PIBF1: variants seen among roughly 807,000 people sequenced by gnomAD.
PIBF1 encodes the protein progesterone immunomodulatory binding factor 1, also known as progesterone-induced-blocking factor 1.
Under a neutral mutation model 112.5 loss-of-function variants are expected in PIBF1, and 90 were observed. The ratio of observed to expected loss-of-function variants is 0.80; its 90% CI spans 0.67 to 0.95. The LOEUF (loss-of-function observed/expected upper bound fraction) is 0.95. Among genes scored for constraint, PIBF1 ranks in the 40% least tolerant of loss-of-function variants. PIBF1 has a pLI of 0.00. For synonymous variants in PIBF1, 301 were observed against 288.6 expected (o/e 1.04, Z -0.44); for missense variants, 915 against 852.3 (o/e 1.07, Z -0.92).
At chr13:72,923,270 A>T (rs146173375) in intron 13 of PIBF1, among the ~76,000 whole-genome samples, 36 of 152,318 alleles carry the variant, frequency 2.4e-4, no homozygotes, top group Non-Finnish European at 5.1e-4. Context: ...AAATGTTAGG[A>T]AATTGTATGT....
chr13:72,818,545 A>G (rs1036896471), intron 5 of PIBF1, among the ~76,000 whole-genome samples: 9 of 151,902 alleles, frequency 5.9e-5, no homozygotes, highest in Admixed American at 5.3e-4. Flanking sequence ...CTTATTTCCT[A>G]TATTTTTTAT....
chr13:72,964,562 CAA>C (rs2042690146), intron 14 of PIBF1, among the ~76,000 whole-genome samples: 1 of 151,806 alleles, frequency 6.6e-6, no homozygotes, highest in East Asian at 1.9e-4. Context: ...ATTTTTAAAA[CAA>C]GGGAATATGA....
intron 16 of PIBF1, 88 bp from the exon 17 acceptor site, chr13:72,998,734 C>T (rs2139027183): frequency 2.4e-6 from 2 of 829,136 alleles, no homozygotes; most frequent in Non-Finnish European, 3.8e-6. Flanking sequence ...ATTGTTTCTT[C>T]TACTTAAAAA....
chr13:72,912,865 A>G (rs899116190), intron 12 of PIBF1, among the ~76,000 whole-genome samples: 2 of 152,002 alleles, frequency 1.3e-5, no homozygotes, highest in Non-Finnish European at 2.9e-5. Flanking sequence ...ATTATACTGT[A>G]TGATTATAGT....
chr13:72,872,279 C>CT (rs1342137709), intron 10 of PIBF1, among the ~76,000 whole-genome samples: 4 of 152,216 alleles, frequency 2.6e-5, no homozygotes, highest in Admixed American at 2.6e-4. Flanking sequence ...ATCAATGATT[C>CT]CTGCAGAATT....
intron 10 of PIBF1, among the ~76,000 whole-genome samples, chr13:72,886,148 A>G (rs1283615121): frequency 2.0e-5 from 3 of 152,146 alleles, no homozygotes; most frequent in Non-Finnish European, 4.4e-5. Flanking sequence ...TCGTGCTACT[A>G]TTAATACTTT....
At chr13:72,990,546 A>T (rs1270835327) in intron 16 of PIBF1, among the ~76,000 whole-genome samples, 2 of 142,936 alleles carry the variant, frequency 1.4e-5, no homozygotes, top group African/African-American at 5.5e-5. Context: ...AAAAAAAAAA[A>T]CCTTTTAAAT....
intron 12 of PIBF1, among the ~76,000 whole-genome samples, chr13:72,913,718 C>T (rs1020431705): frequency 2.7e-4 from 41 of 151,414 alleles, no homozygotes; most frequent in African/African-American, 9.7e-4. Flanking sequence ...ACTGTGTTCA[C>T]GCCACTGCAC....
chr13:72,788,944 G>A lies in PIBF1; in HGVS notation c.253-3503G>A, dbSNP rs142558730. 3.2e-3 allele frequency among the ~76,000 whole-genome samples: 483 copies of A among 152,216 alleles called. 2 individuals carry two copies. The highest frequency in any genetic ancestry group is 1.0e-2 in the African/African-American group (415 of 41,538). ...TTTGTTACTAGGAATAGTCTTGGCC[G>A]TATTGATTTGAATTCTCCATGTCTA... On this transcript the variant is annotated intron_variant, in intron 2 of 17. Coordinates refer to ENST00000326291, the MANE Select transcript of PIBF1 (RefSeq NM_006346.4).
chr13:72,905,364 C>T (rs1037536129), intron 11 of PIBF1, among the ~76,000 whole-genome samples: 60 of 152,206 alleles, frequency 3.9e-4, no homozygotes, highest in African/African-American at 1.1e-3. Context: ...CCACACCCAG[C>T]GTAAATCCCA....
At chr13:72,933,626 T>A (rs1448270679) in intron 14 of PIBF1, among the ~76,000 whole-genome samples, 2 of 152,190 alleles carry the variant, frequency 1.3e-5, no homozygotes, top group East Asian at 3.9e-4. Context: ...CGTGCCATCG[T>A]ACTCCAGCCT....
intron 14 of PIBF1, among the ~76,000 whole-genome samples, chr13:72,959,484 A>G (rs926427784): frequency 6.6e-6 from 1 of 152,188 alleles, no homozygotes; most frequent in Non-Finnish European, 1.5e-5. Context: ...TCACTTGCAT[A>G]TATTTTATAG....
rs754794968 is a variant in PIBF1 at position 72,832,072 on chromosome 13, C to CTTTTTTTTTTT, written c.1098-3151_1098-3141dup. ...CAGAGATTAGAATTGCAATTCCGGC[C>CTTTTTTTTTTT]TTTTTTTTTTTTTTTTTTTTTTTTT... On this transcript the variant is annotated intron_variant, in intron 8 of 17. Coordinates refer to ENST00000326291, the MANE Select transcript of PIBF1 (RefSeq NM_006346.4). Among the ~76,000 whole-genome samples the CTTTTTTTTTTT allele has an allele frequency of 1.9e-4, 8 of 42,904 alleles. 1 individual carries two copies. Among genetic ancestry groups the CTTTTTTTTTTT allele is most frequent in the African/African-American group, 8.3e-4 (6 of 7,226 alleles). 28.1% of individuals were successfully genotyped at this position (42,904 alleles called of 152,430 possible). A position where few individuals can be genotyped will look rare whatever the true frequency, so the allele number is the denominator to read the frequency against.
chr13:72,844,974 A>T (rs2037802612), intron 9 of PIBF1, among the ~76,000 whole-genome samples: 1 of 151,534 alleles, frequency 6.6e-6, no homozygotes, highest in Middle Eastern at 3.2e-3. Context: ...TTTCTTTTTT[A>T]TTTTATTTTA....
At chr13:72,794,709 G>A (rs1373027786) in intron 3 of PIBF1, among the ~76,000 whole-genome samples, 7 of 152,212 alleles carry the variant, frequency 4.6e-5, no homozygotes, top group South Asian at 4.1e-4. Flanking sequence ...TTTGCCTTCC[G>A]CCATGATTGT....
chr13:72,967,466 A>C lies in PIBF1; in HGVS notation c.1964+2062A>C, dbSNP rs1055127893. On this transcript the variant is annotated intron_variant, in intron 15 of 17. Transcript: ENST00000326291. ...GAACAAATTCAGCCATAGAGAAATT[A>C]AGCAACTTGTCCTCTAAGAACATGC... Among the ~76,000 whole-genome samples the C allele has an allele frequency of 3.3e-5, 5 of 152,208 alleles. No homozygotes were observed. In the East Asian group the frequency reaches 9.6e-4, roughly 29 times the overall value.
intron 10 of PIBF1, among the ~76,000 whole-genome samples, chr13:72,887,071 CTG>C (rs1401731309): frequency 6.9e-6 from 1 of 145,854 alleles, no homozygotes; most frequent in African/African-American, 2.5e-5. Flanking sequence ...CACTGGAAAT[CTG>C]TGGGCTCTAT....
intron 11 of PIBF1, among the ~76,000 whole-genome samples, chr13:72,904,337 AC>A (rs1259362487): frequency 6.6e-6 from 1 of 151,664 alleles, no homozygotes; most frequent in Non-Finnish European, 1.5e-5. Context: ...CAATTCAGTT[AC>A]AGGATAAATA....
In PIBF1 at chr13:72,794,360, G is replaced by A. The variant is rs1248860913; in HGVS notation, c.354-999G>A. On this transcript the variant is annotated intron_variant, in intron 3 of 17. Transcript: ENST00000326291. ...GGTGGCTAACAAAGGGGGAAGTGCA[G>A]TGAAGTCCAGAGTTGTGGTTTTGTT... Among the ~76,000 whole-genome samples, 4 of 152,304 alleles carry A rather than the reference G, an allele frequency of 2.6e-5. No homozygotes were observed. In the East Asian group the frequency reaches 7.7e-4, roughly 29 times the overall value.
Sources: allele counts gnomAD v4.1 joint callset (sites outside exome capture counted in the v4.1 genomes callset), GRCh38; gene constraint gnomAD v4.1.1; transcripts MANE v1.5; gene names NCBI Gene and HGNC (gene_info 2026-07-23, HGNC 2026-07-21).